Variants in RGP1 observed in about 807,000 individuals in gnomAD.
The protein encoded by RGP1 is RAB6A-GEF complex partner protein 2.
Under a neutral mutation model 44.5 loss-of-function variants are expected in RGP1, and 28 were observed. The ratio of observed to expected loss-of-function variants is 0.63; its 90% CI spans 0.47 to 0.86. RGP1 has a LOEUF of 0.86. RGP1 is among the 40% of genes least tolerant of loss of function. RGP1 has a pLI of 0.00. For missense variants in RGP1, 417 were observed against 490.7 expected, an observed-to-expected ratio of 0.85 and a Z score of 1.42; for synonymous variants, 212 against 196.7, an observed-to-expected ratio of 1.08 and a Z score of -0.65.
chr9:35,788,366 C>G, the RGP1 span, among the ~76,000 whole-genome samples: 1 of 151,956 alleles, frequency 6.6e-6, no homozygotes, highest in Non-Finnish European at 1.5e-5. Context: ...GTCAGGAGTT[C>G]GAGACCAGCT....
chr9:35,789,633 A>G, the RGP1 span, among the ~76,000 whole-genome samples: 1 of 152,228 alleles, frequency 6.6e-6, no homozygotes, highest in Non-Finnish European at 1.5e-5. Context: ...GTTCAGAATA[A>G]TGACATATGA....
At chr9:35,778,743 C>G in the RGP1 span, among the ~76,000 whole-genome samples, 1 of 152,266 alleles carries the variant, frequency 6.6e-6, no homozygotes, top group East Asian at 1.9e-4. Context: ...TTCTCTTAAG[C>G]CCAAGGCTTG....
chr9:35,753,794 A>G lies in RGP1; in HGVS notation c.*920A>G, dbSNP rs778345760. On this transcript the variant is annotated 3_prime_UTR_variant, in exon 9 of 9. Transcript: ENST00000378078. This position sits in a 1 kb window ranked among gnomAD's most constrained non-coding sequence, Gnocchi z 4.2. ...CTAGGGAAGAACGGGAAATGTTAGT[A>G]GGTGTAGGAGTGCTGATGAGAGGCA... is the stretch of plus-strand genomic sequence containing the variant. The G allele has an allele frequency of 1.4e-5, 22 of 1,598,752 alleles. No individual in the cohort carries two copies. Among genetic ancestry groups the G allele is most frequent in the Non-Finnish European group, 1.9e-5 (22 of 1,166,602 alleles).
chr9:35,763,951 A>G, the RGP1 span, among the ~76,000 whole-genome samples: 1 of 150,962 alleles, frequency 6.6e-6, no homozygotes, highest in Non-Finnish European at 1.5e-5. Flanking sequence ...ATTAACTCTG[A>G]TAAGAGAGAT....
Position 35,756,587 on chromosome 9 carries a change from T to TGTCTAGCAC in RGP1, c.*3715_*3723dup, listed in dbSNP as rs1472858927. ...GCTGGAGCAGGTGGATTCGAAGGCC[T>TGTCTAGCAC]GTCTAGCACGAGGGCCCAAAGGTCT... On this transcript the variant is annotated 3_prime_UTR_variant, in exon 9 of 9. Coordinates refer to ENST00000378078, the MANE Select transcript of RGP1 (RefSeq NM_001080496.3). 2 of 152,360 alleles carry TGTCTAGCAC rather than the reference T, an allele frequency of 1.3e-5. No homozygotes were observed. The highest frequency in any genetic ancestry group is 2.9e-5 in the Non-Finnish European group (2 of 68,158). 9.4% of individuals were successfully genotyped at this position (152,360 alleles called of 1,614,324 possible).
chr9:35,769,294 C>T, the RGP1 span, among the ~76,000 whole-genome samples: 2 of 152,228 alleles, frequency 1.3e-5, no homozygotes, highest in Admixed American at 1.3e-4. Context: ...GTCTTGTTGT[C>T]CTTGATGCTG....
chr9:35,766,882 A>AAT, the RGP1 span, among the ~76,000 whole-genome samples: 1 of 152,242 alleles, frequency 6.6e-6, no homozygotes. Context: ...GAGATACAGT[A>AAT]ATGAAAACAC....
Position 35,758,530 on chromosome 9 carries a change from C to G in RGP1, c.*5656C>G, listed in dbSNP as rs1218982449. On this transcript the variant is annotated 3_prime_UTR_variant, in exon 9 of 9. Coordinates refer to ENST00000378078, the MANE Select transcript of RGP1 (RefSeq NM_001080496.3). The stretch of plus-strand genomic sequence containing the variant: ...TATAAATTATAAAGATCCCTAAACT[C>G]TGCATTGCCTTTGGTCCCAAACAAG... 2 of 152,104 alleles carry G rather than the reference C, an allele frequency of 1.3e-5. No individual in the cohort carries two copies. The highest frequency in any genetic ancestry group is 2.4e-5 in the African/African-American group (1 of 41,408). 9.4% of individuals were successfully genotyped at this position (152,104 alleles called of 1,614,324 possible). A position where few individuals can be genotyped will look rare whatever the true frequency, so the allele number is the denominator to read the frequency against.
At chr9:35,763,881 C>CAAAAAAAAAAA in the RGP1 span, among the ~76,000 whole-genome samples, 1 of 81,970 alleles carries the variant, frequency 1.2e-5, no homozygotes, top group African/African-American at 5.5e-5. Flanking sequence ...GACTCCATCT[C>CAAAAAAAAAAA]AAAAAAAAAA....
chr9:35,751,604 T>C, intron 6 of RGP1, 23 bp from the exon 7 acceptor site: 1 of 1,613,900 alleles, frequency 6.2e-7, no homozygotes, highest in Non-Finnish European at 8.5e-7. Context: ...GACTCCAGGC[T>C]TATAGTGTCC....
chr9:35,782,634 C>T, the RGP1 span, among the ~76,000 whole-genome samples: 3 of 151,844 alleles, frequency 2.0e-5, no homozygotes, highest in Non-Finnish European at 2.9e-5. Context: ...TTAGTAGAGA[C>T]GGGGTTTCTC....
chr9:35,784,714 C>T, the RGP1 span, among the ~76,000 whole-genome samples: 10 of 152,196 alleles, frequency 6.6e-5, no homozygotes, highest in East Asian at 3.9e-4. Flanking sequence ...GTGATCCACC[C>T]GCCTCGGCCT....
At chr9:35,773,215 C>T in the RGP1 span, among the ~76,000 whole-genome samples, 1 of 151,952 alleles carries the variant, frequency 6.6e-6, no homozygotes, top group African/African-American at 2.4e-5. Context: ...ATAGTGAGAC[C>T]TTGTCTCTAC....
In RGP1 at chr9:35,751,707, G is replaced by T. The variant is rs759223769; in HGVS notation, c.715G>T (p.Val239Leu). 1 of 1,613,952 alleles carries T rather than the reference G, an allele frequency of 6.2e-7. No homozygotes were observed. The highest frequency in any genetic ancestry group is 1.7e-5 in the Admixed American group (1 of 60,014). The change falls in exon 7 of 9, where the codon GTG becomes TTG. Residue 239 changes from valine (V) to leucine (L), a missense_variant. Physicochemically the swap from Val to Leu is conservative, Grantham distance 32. Coordinates refer to ENST00000378078, the MANE Select transcript of RGP1 (RefSeq NM_001080496.3). ...ATCTGTGTACAGACTTGGCGAGGAC[G>T]TGGTGGGGACCTTAAACTTAGGGGA... is the stretch of plus-strand genomic sequence containing the variant. ...FKSVYRLGED[V>L]VGTLNLGEGT...
the RGP1 span, among the ~76,000 whole-genome samples, chr9:35,773,113 G>A: frequency 3.3e-5 from 5 of 152,130 alleles, no homozygotes; most frequent in African/African-American, 9.7e-5. Context: ...GTACAGCCAG[G>A]CATGGTGGCT....
At chr9:35,785,681 C>T in the RGP1 span, among the ~76,000 whole-genome samples, 2 of 152,152 alleles carry the variant, frequency 1.3e-5, no homozygotes, top group Admixed American at 1.3e-4. Flanking sequence ...TGGGCTCCAT[C>T]CCAGGGTCAG....
the RGP1 span, among the ~76,000 whole-genome samples, chr9:35,766,293 A>T: frequency 2.6e-5 from 4 of 151,960 alleles, no homozygotes; most frequent in Non-Finnish European, 5.9e-5. Context: ...GGTGAAATCT[A>T]TTCAAAGTAT....
chr9:35,772,790 CAA>C, the RGP1 span, among the ~76,000 whole-genome samples: 11,007 of 107,430 alleles, frequency 0.1, 375 homozygotes, highest in Middle Eastern at 0.14. Flanking sequence ...GACTCTGTCT[CAA>C]AAAAAAAAAA....
chr9:35,780,746 A>T, the RGP1 span: 1 of 151,846 alleles, frequency 6.6e-6, no homozygotes, highest in African/African-American at 2.4e-5. Flanking sequence ...ACAAAAAACA[A>T]CCAGGCGTGG....
Sources: allele counts gnomAD v4.1 joint callset (sites outside exome capture counted in the v4.1 genomes callset), GRCh38; gene constraint gnomAD v4.1.1; non-coding constraint Gnocchi (gnomAD v3.1); transcripts MANE v1.5; gene names NCBI Gene and HGNC (gene_info 2026-07-23, HGNC 2026-07-21).